Variants in RSU1 observed in about 807,000 individuals in gnomAD.
The protein encoded by RSU1 is Ras suppressor protein 1.
Under a neutral mutation model 31.1 loss-of-function variants are expected in RSU1, and 26 were observed. The ratio of observed to expected loss-of-function variants is 0.84; its 90% CI spans 0.61 to 1.16. The LOEUF (loss-of-function observed/expected upper bound fraction) is 1.16. RSU1 is among the 50% of genes most tolerant of loss of function. The pLI is 0.00. For missense variants in RSU1, 320 were observed against 339.1 expected (o/e 0.94, Z 0.44); for synonymous variants, 164 against 136.3 (o/e 1.20, Z -1.41).
chr10:16,801,417 A>G (rs1838153557), intron 2 of RSU1, among the ~76,000 whole-genome samples: 1 of 152,200 alleles, frequency 6.6e-6, no homozygotes, highest in Admixed American at 6.5e-5. Flanking sequence ...ATGCAAAGAG[A>G]AAGAAACAAA....
In RSU1 at chr10:16,782,061, G is replaced by A; in HGVS notation, c.133C>T (p.Leu45=). ...GLFTLSHITQ[L]VLSHNKLTMV... is the part of the protein sequence containing the mutation. Reference sequence around the variant, plus strand: ...GTTAGCTTGTTATGGCTGAGGACCAGTTGTGTGATATGGGATAAGGTAACT... The same window carrying A: ...GTTAGCTTGTTATGGCTGAGGACCAATTGTGTGATATGGGATAAGGTAACT... Residue 45 remains leucine (L), a synonymous_variant, in exon 3 of 9, where the codon CTG becomes TTG. Coordinates refer to ENST00000345264, the MANE Select transcript of RSU1 (RefSeq NM_012425.4). 1 of 1,612,436 alleles carries A rather than the reference G, an allele frequency of 6.2e-7. No individual in the cohort carries two copies. Among genetic ancestry groups the A allele is most frequent in the Non-Finnish European group, 8.5e-7 (1 of 1,179,252 alleles).
rs889308299 is a variant in RSU1 at position 16,592,389 on chromosome 10, A to C, written c.*1005T>G. ...TAGGTATCACTGTTGAAAAGAAGGA[A>C]AGCTGCCTATCACAGATGTTAAACA... On this transcript the variant is annotated 3_prime_UTR_variant, in exon 9 of 9. Coordinates refer to ENST00000345264, the MANE Select transcript of RSU1 (RefSeq NM_012425.4). 2.6e-5 allele frequency: 4 copies of C among 152,326 alleles called. No individual in the cohort carries two copies. Among genetic ancestry groups the C allele is most frequent in the African/African-American group, 9.6e-5 (4 of 41,570 alleles). The allele number at this position is 152,326 out of a possible 1,614,324, so 9.4% of individuals were successfully genotyped here. A position where few individuals can be genotyped will look rare whatever the true frequency, so the allele number is the denominator to read the frequency against.
At chr10:16,614,584 T>C (rs757380992) in intron 8 of RSU1, among the ~76,000 whole-genome samples, 1 of 152,146 alleles carries the variant, frequency 6.6e-6, no homozygotes, top group Non-Finnish European at 1.5e-5. Context: ...TTATTACACA[T>C]TGCATGCCTG....
intron 3 of RSU1, among the ~76,000 whole-genome samples, chr10:16,773,454 G>A (rs144500627): frequency 6.6e-6 from 1 of 152,166 alleles, no homozygotes; most frequent in Admixed American, 6.5e-5. Flanking sequence ...ACTGGAAGGA[G>A]TAAGGATCCA....
intron 8 of RSU1, among the ~76,000 whole-genome samples, chr10:16,636,067 T>G (rs1047667179): frequency 1.3e-5 from 2 of 152,206 alleles, no homozygotes; most frequent in African/African-American, 4.8e-5. Context: ...CCAGGCTTGG[T>G]GTATGAAGTA....
intron 4 of RSU1, among the ~76,000 whole-genome samples, chr10:16,755,397 A>C (rs1837062583): frequency 6.6e-6 from 1 of 151,580 alleles, no homozygotes; most frequent in Admixed American, 6.6e-5. Flanking sequence ...TGCTGGGATT[A>C]CAGGCGTGAG....
chr10:16,728,897 C>A (rs187405113), intron 7 of RSU1, among the ~76,000 whole-genome samples: 183 of 152,318 alleles, frequency 1.2e-3, no homozygotes, highest in Non-Finnish European at 4.0e-4. Context: ...CCTCTAGAGC[C>A]TCCTGAAGGA....
intron 4 of RSU1, among the ~76,000 whole-genome samples, chr10:16,763,159 T>C (rs557212259): frequency 2.4e-4 from 37 of 152,300 alleles, no homozygotes; most frequent in African/African-American, 6.5e-4. Flanking sequence ...TTTCATCTGA[T>C]AGCTGCGCCA....
chr10:16,660,722 C>A (rs1409673078), intron 8 of RSU1, among the ~76,000 whole-genome samples: 1 of 137,136 alleles, frequency 7.3e-6, no homozygotes, highest in African/African-American at 2.8e-5. Context: ...TCTAGGCTCA[C>A]TGCAACTTCC....
chr10:16,605,337 T>C (rs559657033), intron 8 of RSU1, among the ~76,000 whole-genome samples: 1 of 152,320 alleles, frequency 6.6e-6, no homozygotes, highest in African/African-American at 2.4e-5. Flanking sequence ...TGATAGAAGG[T>C]TCATTCCTAG....
chr10:16,674,264 G>A (rs1835178777), intron 8 of RSU1, among the ~76,000 whole-genome samples: 1 of 152,088 alleles, frequency 6.6e-6, no homozygotes, highest in African/African-American at 2.4e-5. Flanking sequence ...TAGCTGGTTG[G>A]GAAAGGCTGC....
chr10:16,787,752 G>A (rs146111896), intron 2 of RSU1, among the ~76,000 whole-genome samples: 1 of 152,260 alleles, frequency 6.6e-6, no homozygotes, highest in East Asian at 1.9e-4. Context: ...CCATCACTGT[G>A]AGGCCTCTCC....
chr10:16,795,093 C>T (rs535590041), intron 2 of RSU1, among the ~76,000 whole-genome samples: 1 of 152,226 alleles, frequency 6.6e-6, no homozygotes. Flanking sequence ...GTGGCTCATG[C>T]CTGTATTTCC....
intron 2 of RSU1, among the ~76,000 whole-genome samples, chr10:16,808,485 G>GAAAAA (rs34449677): frequency 4.5e-5 from 4 of 89,612 alleles, no homozygotes; most frequent in South Asian, 4.1e-4. Context: ...CTCCATTTAA[G>GAAAAA]AAAAAAAAAA....
intron 4 of RSU1, among the ~76,000 whole-genome samples, chr10:16,756,326 G>C (rs1469100077): frequency 6.6e-6 from 1 of 152,152 alleles, no homozygotes; most frequent in Non-Finnish European, 1.5e-5. Context: ...CATTTTGTGT[G>C]CATTTTATCA....
At chr10:16,612,762 T>A (rs1409658024) in intron 8 of RSU1, among the ~76,000 whole-genome samples, 3 of 152,234 alleles carry the variant, frequency 2.0e-5, no homozygotes, top group African/African-American at 4.8e-5. Context: ...GCTAGTCAGC[T>A]CTTCGTTACC....
chr10:16,702,496 G>C (rs1564323690), intron 7 of RSU1, among the ~76,000 whole-genome samples: 1 of 152,208 alleles, frequency 6.6e-6, no homozygotes, highest in Non-Finnish European at 1.5e-5. Context: ...GCCATCTCTT[G>C]AATTAGAGTG....
intron 7 of RSU1, among the ~76,000 whole-genome samples, chr10:16,717,289 T>C (rs958600922): frequency 1.3e-5 from 2 of 152,164 alleles, no homozygotes; most frequent in Non-Finnish European, 2.9e-5. Context: ...ATATAAAATA[T>C]GTACAAAGAT....
At chr10:16,629,191 C>T (rs927817570) in intron 8 of RSU1, among the ~76,000 whole-genome samples, 9 of 152,120 alleles carry the variant, frequency 5.9e-5, no homozygotes, top group African/African-American at 1.2e-4. Flanking sequence ...GATTCTGATG[C>T]GGTGGGTCTG....
Sources: allele counts gnomAD v4.1 joint callset (sites outside exome capture counted in the v4.1 genomes callset), GRCh38; gene constraint gnomAD v4.1.1; transcripts MANE v1.5; gene names NCBI Gene and HGNC (gene_info 2026-07-23, HGNC 2026-07-21).